CRNKL1: variants seen among roughly 807,000 people sequenced by gnomAD.
The protein encoded by CRNKL1 is crooked neck-like protein 1.
In CRNKL1, 35 loss-of-function variants were observed where a neutral mutation model predicts 103.7. The observed-to-expected ratio is 0.34, with a 90% CI of 0.26 to 0.45. The LOEUF is 0.45. Ranked by LOEUF, CRNKL1 falls within the 20% of genes least tolerant of loss-of-function variation. The probability of loss-of-function intolerance (pLI) is 1.00; values close to 1 mark genes in which losing one functional copy is unlikely to be tolerated. For synonymous variants in CRNKL1, 267 were observed against 282.6 expected (o/e 0.94, Z 0.55); for missense variants, 645 against 836.0 (o/e 0.77, Z 2.82).
intron 1 of CRNKL1, among the ~76,000 whole-genome samples, chr20:20,050,987 C>G (rs1354438889): frequency 6.6e-6 from 1 of 152,180 alleles, no homozygotes; most frequent in Non-Finnish European, 1.5e-5. Context: ...GCATTACAAC[C>G]TGCATTTACA....
At chr20:20,052,497 G>A (rs1423916547), upstream of CRNKL1, 1 of 1,614,232 alleles carries the variant, frequency 6.2e-7, no homozygotes, top group African/African-American at 1.3e-5. Flanking sequence ...TCTCGCTTGA[G>A]CCGTGACGGA....
chr20:20,046,213 A>G (rs2043592512), intron 5 of CRNKL1, among the ~76,000 whole-genome samples: 1 of 152,178 alleles, frequency 6.6e-6, no homozygotes, highest in African/African-American at 2.4e-5. Flanking sequence ...AACCCAGTCA[A>G]GCTACTTAAT....
rs768268222 is a variant in CRNKL1 at position 20,040,739 on chromosome 20, A to T, written c.1252T>A (p.Tyr418Asn). The change falls in exon 10 of 14, where the codon TAT (tyrosine) becomes AAT (asparagine). Residue 418 changes from tyrosine (Y) to asparagine (N), a missense_variant. Physicochemically the swap from Tyr to Asn is moderately radical, Grantham distance 143. Transcript: ENST00000536226. Reference sequence around the variant, plus strand: ...TTCTGTCGTATTTCAAACTGTGCATACAGTATCCACATTTTGGCAAATGTG... The same window carrying T: ...TTCTGTCGTATTTCAAACTGTGCATTCAGTATCCACATTTTGGCAAATGTG... ...KFTFAKMWIL[Y>N]AQFEIRQKNL... The T allele has an allele frequency of 6.2e-7, 1 of 1,611,322 alleles. No individual in the cohort carries two copies. Among genetic ancestry groups the T allele is most frequent in the Non-Finnish European group, 8.5e-7 (1 of 1,179,552 alleles).
At position 20,036,187 on chromosome 20, in the gene CRNKL1, A is replaced by T. The variant is rs773846209; in HGVS notation, c.*8T>A. 8 of 1,608,880 alleles carry T rather than the reference A, an allele frequency of 5.0e-6. No individual in the cohort carries two copies. The highest frequency in any genetic ancestry group is 6.8e-6 in the Non-Finnish European group (8 of 1,177,876). On this transcript the variant is annotated 3_prime_UTR_variant, in exon 14 of 14. Transcript: ENST00000536226. ...AAAATAACAAAACATTTGTCTATGA[A>T]AAAAAGATCAGGATTCACTCTCATC...
chr20:20,050,700 G>T, intron 1 of CRNKL1, 78 bp from the exon 2 acceptor site: 1 of 1,338,546 alleles, frequency 7.5e-7, no homozygotes, highest in Non-Finnish European at 1.0e-6. Flanking sequence ...ACATTTTTTA[G>T]GATATGAACT....
intron 6 of CRNKL1, 106 bp from the exon 7 acceptor site, chr20:20,043,768 G>A: frequency 9.7e-7 from 1 of 1,034,214 alleles, no homozygotes; most frequent in Non-Finnish European, 1.4e-6. Context: ...AGATTTTGAG[G>A]CCTCATAATA....
At chr20:20,052,966 A>C (rs12624829), upstream of CRNKL1, among the ~76,000 whole-genome samples, 12,148 of 152,230 alleles carry the variant, frequency 0.08, 1,358 homozygotes, top group East Asian at 0.6. Context: ...TGGAATTAAA[A>C]ATAACAGAAG....
At chr20:20,043,358 A>G (rs1370979813) in intron 7 of CRNKL1, 134 bp downstream of exon 7, 2 of 851,014 alleles carry the variant, frequency 2.4e-6, no homozygotes, top group East Asian at 2.5e-5. Context: ...AATAGCTGCC[A>G]ATTGGATCAC....
chr20:20,035,120 T>G lies in CRNKL1; in HGVS notation c.*1075A>C, dbSNP rs1480026735. On this transcript the variant is annotated 3_prime_UTR_variant, in exon 14 of 14. Coordinates refer to ENST00000536226, the MANE Select transcript of CRNKL1 (RefSeq NM_001278628.2). ...TTAGCATAGAGCTACCTTAGGTGTTTCTACACATGCTCTAAACCAAGAGTA... is the reference window on the plus strand; with the variant it reads ...TTAGCATAGAGCTACCTTAGGTGTTGCTACACATGCTCTAAACCAAGAGTA... 6.6e-6 allele frequency: 1 copy of G among 152,216 alleles called. No individual in the cohort carries two copies. Among genetic ancestry groups the G allele is most frequent in the African/African-American group, 2.4e-5 (1 of 41,456 alleles). 9.4% of individuals were successfully genotyped at this position (152,216 alleles called of 1,614,324 possible).
At chr20:20,036,615 T>C (rs527659038) in intron 13 of CRNKL1, among the ~76,000 whole-genome samples, 3 of 152,320 alleles carry the variant, frequency 2.0e-5, no homozygotes, top group Admixed American at 1.3e-4. Context: ...CCAACCAAGA[T>C]GTTCAGTGTC....
At chr20:20,039,942 A>C in intron 10 of CRNKL1, 94 bp from the exon 11 acceptor site, 1 of 1,311,692 alleles carries the variant, frequency 7.6e-7, no homozygotes, top group Non-Finnish European at 1.1e-6. Flanking sequence ...CTGCTGAGGA[A>C]GAATCTTGCA....
chr20:20,046,591 A>G (rs2043597723), intron 5 of CRNKL1, among the ~76,000 whole-genome samples: 1 of 152,208 alleles, frequency 6.6e-6, no homozygotes, highest in Admixed American at 6.5e-5. Flanking sequence ...TCATCATCTT[A>G]AATCCTAAAA....
chr20:20,048,584 G>C, intron 3 of CRNKL1, 83 bp from the exon 4 acceptor site: 9 of 1,415,596 alleles, frequency 6.4e-6, no homozygotes, highest in Non-Finnish European at 8.8e-6. Context: ...GGAATGCACT[G>C]ATGTTTTATT....
Position 20,039,602 on chromosome 20 carries a change from T to C in CRNKL1, c.1545+7A>G. 1.2e-6 allele frequency: 2 copies of C among 1,613,168 alleles called. No homozygotes were observed. The highest frequency in any genetic ancestry group is 2.7e-5 in the African/African-American group (2 of 75,044). The stretch of plus-strand genomic sequence containing the variant: ...AAACAAAATTATATTTGACTTGAGA[T>C]GCTCACCTCTGGCATGTCTAAACGT... On this transcript the variant is annotated splice_region_variant and intron_variant, in intron 11 of 13. Coordinates refer to ENST00000536226, the MANE Select transcript of CRNKL1 (RefSeq NM_001278628.2).
At chr20:20,037,848 G>A (rs6106179) in intron 12 of CRNKL1, among the ~76,000 whole-genome samples, 271 of 152,226 alleles carry the variant, frequency 1.8e-3, no homozygotes, top group African/African-American at 6.4e-3. Context: ...CAGCACTTCG[G>A]GAGGCTGAGG....
chr20:20,037,690 G>T, intron 12 of CRNKL1, 119 bp from the exon 13 acceptor site: 2 of 880,954 alleles, frequency 2.3e-6, no homozygotes, highest in Non-Finnish European at 1.7e-6. Context: ...CATCACTAAT[G>T]TTTCACAGAT....
chr20:20,040,850 G>A (rs945018384), intron 9 of CRNKL1, 84 bp from the exon 10 acceptor site: 1 of 949,910 alleles, frequency 1.1e-6, no homozygotes, highest in East Asian at 2.5e-5. Flanking sequence ...ATTAACCAAA[G>A]CCATTGGTAA....
chr20:20,054,013 G>GTTTTTTTTTTTTTTTTTTTTTTTTT, upstream of CRNKL1, among the ~76,000 whole-genome samples: 1 of 59,106 alleles, frequency 1.7e-5, no homozygotes. Flanking sequence ...TTTTTTGTTT[G>GTTTTTTTTTTTTTTTTTTTTTTTTT]TTTTTTTTTT....
upstream of CRNKL1, chr20:20,052,675 A>G (rs2273058): frequency 0.48 from 780,414 of 1,612,282 alleles, 190,659 homozygotes; most frequent in East Asian, 0.67. Flanking sequence ...AGCCTCCGGA[A>G]CTGGGATGAC....
Sources: gnomAD v4.1 joint callset for allele counts (sites outside exome capture counted in the v4.1 genomes callset) on GRCh38, gnomAD v4.1.1 for gene constraint, MANE v1.5 for transcripts, NCBI Gene and HGNC (gene_info 2026-07-23, HGNC 2026-07-21) for gene names.